APBB1: variants seen among roughly 807,000 people sequenced by gnomAD.
APBB1 encodes adaptor protein FE65a2.
Under a neutral mutation model 78.4 loss-of-function variants are expected in APBB1, and 22 were observed. That is an observed-to-expected ratio of 0.28 (90% CI 0.20 to 0.40). The LOEUF is 0.40. Among genes scored for constraint, APBB1 ranks in the 10% least tolerant of loss-of-function variants. The pLI, the probability that APBB1 is intolerant of heterozygous loss-of-function variation, is 1.00. For synonymous variants in APBB1, 369 were observed against 372.7 expected (o/e 0.99, Z 0.12); for missense variants, 749 against 932.4 (o/e 0.80, Z 2.56).
chr11:6,404,562 C>A, intron 2 of APBB1: 1 of 1,533,038 alleles, frequency 6.5e-7, no homozygotes, highest in Non-Finnish European at 8.7e-7. Flanking sequence ...CTGACCCTTG[C>A]TGCACACAGA....
At chr11:6,414,587 G>A (rs2134110355) in intron 1 of APBB1, among the ~76,000 whole-genome samples, 1 of 152,298 alleles carries the variant, frequency 6.6e-6, no homozygotes, top group South Asian at 2.1e-4. Context: ...GTGGCCCAAT[G>A]GGCTGGGGAG....
intron 12 of APBB1, among the ~76,000 whole-genome samples, chr11:6,397,422 C>T (rs1316318460): frequency 2.0e-5 from 3 of 152,236 alleles, no homozygotes; most frequent in African/African-American, 7.2e-5. Context: ...TTTACTGCTC[C>T]CTGAGCTTCA....
Position 6,402,625 on chromosome 11 carries a change from G to A in APBB1, c.1205C>T (p.Ser402Phe), listed in dbSNP as rs936167780. 6.2e-7 allele frequency: 1 copy of A among 1,614,008 alleles called. No homozygotes were observed. Among genetic ancestry groups the A allele is most frequent in the Non-Finnish European group, 8.5e-7 (1 of 1,180,028 alleles). ...GTCATGCAGGTTGTTTTTGTGGTAA[G>A]AGAGCTGACGGATGCAATTGTTGAC... is the stretch of plus-strand genomic sequence containing the variant. ...VAVNNCIRQLSYHKNNLHDPM... is the reference protein window; with the variant it reads ...VAVNNCIRQLFYHKNNLHDPM... Residue 402 changes from serine (S) to phenylalanine (F), a missense_variant, in exon 7 of 15, where the codon TCT becomes TTT. Transcript: ENST00000609360.
At chr11:6,410,515 C>T in intron 2 of APBB1, 112 bp downstream of exon 2, 2 of 931,794 alleles carry the variant, frequency 2.1e-6, no homozygotes, top group Non-Finnish European at 3.1e-6. Flanking sequence ...CCTGCTGTGG[C>T]CTCAGGGTAT....
Position 6,410,968 on chromosome 11 carries a change from G to A in APBB1, c.380C>T (p.Ala127Val), listed in dbSNP as rs1848948354. 1 of 1,614,058 alleles carries A rather than the reference G, an allele frequency of 6.2e-7. No homozygotes were observed. The highest frequency in any genetic ancestry group is 1.3e-5 in the African/African-American group (1 of 74,946). ...AGGTCCTCGTAGGCCTCGGTTGGCTGCGTTGTGAGCTGAGAGCTCCAGCTC... is the reference window on the plus strand; with the variant it reads ...AGGTCCTCGTAGGCCTCGGTTGGCTACGTTGTGAGCTGAGAGCTCCAGCTC... ...YSELELSAHN[A>V]ANRGLRGPGL... Residue 127 changes from alanine (A) to valine (V), a missense_variant, in exon 2 of 15, where the codon GCA (alanine) becomes GTA (valine). By Grantham distance (64) the Ala-to-Val change is moderately conservative. This residue lies in a region of APBB1 where 635 missense variants were observed against 765.0 expected (regional missense o/e 0.83). Coordinates refer to ENST00000609360, the MANE Select transcript of APBB1 (RefSeq NM_001164.5).
In APBB1 at chr11:6,401,888, C is replaced by A. The variant is rs766379687; in HGVS notation, c.1388+89G>T. On this transcript the variant is annotated intron_variant, in intron 9 of 14. Coordinates refer to ENST00000609360, the MANE Select transcript of APBB1 (RefSeq NM_001164.5). This position sits in a 1 kb window ranked among gnomAD's most constrained non-coding sequence, Gnocchi z 4.5. ...GGTGGAGGGTAATGGTGGAGCATAG[C>A]GGGTGGGAAGGGGCAGGGCAGAAGA... 1 of 1,521,624 alleles carries A rather than the reference C, an allele frequency of 6.6e-7. No individual in the cohort carries two copies. Among genetic ancestry groups the A allele is most frequent in the Non-Finnish European group, 8.9e-7 (1 of 1,125,130 alleles). The allele number at this position is 1,521,624 out of a possible 1,614,324, so 94.3% of individuals were successfully genotyped here.
intron 2 of APBB1, among the ~76,000 whole-genome samples, chr11:6,407,152 C>G (rs934947373): frequency 6.6e-6 from 1 of 152,200 alleles, no homozygotes; most frequent in Non-Finnish European, 1.5e-5. Context: ...ACCTTCTCTG[C>G]AGCCCTCATG....
rs1848937233 is a variant in APBB1, at chr11:6,410,747, C to T, written c.601G>A (p.Glu201Lys). The change falls in exon 2 of 15, where the codon GAA becomes AAA. Residue 201 changes from glutamate to lysine, a missense_variant. Coordinates refer to ENST00000609360, the MANE Select transcript of APBB1 (RefSeq NM_001164.5). Reference sequence around the variant, plus strand: ...AGGAGGCTGGCACTCTTGCTGTGTTCCCGGGGGCCATCTGTAAGGGCTTGG... The same window carrying T: ...AGGAGGCTGGCACTCTTGCTGTGTTTCCGGGGGCCATCTGTAAGGGCTTGG... ...RPQALTDGPR[E>K]HSKSASLLFG... 2 of 1,578,936 alleles carry T rather than the reference C, an allele frequency of 1.3e-6. No individual in the cohort carries two copies. Among genetic ancestry groups the T allele is most frequent in the African/African-American group, 1.4e-5 (1 of 73,918 alleles).
intron 2 of APBB1, among the ~76,000 whole-genome samples, chr11:6,408,514 T>A (rs1848878063): frequency 6.6e-6 from 1 of 151,786 alleles, no homozygotes; most frequent in South Asian, 2.1e-4. Context: ...CTTCTTTTTT[T>A]TTTTTTTGAG....
At position 6,403,058 on chromosome 11, in the gene APBB1, G is replaced by A. The variant is rs189400999; in HGVS notation, c.1104+87C>T. 14 of 1,283,586 alleles carry A rather than the reference G, an allele frequency of 1.1e-5. No homozygotes were observed. Among genetic ancestry groups the A allele is most frequent in the East Asian group, 9.3e-5 (4 of 42,954 alleles). 79.5% of individuals were successfully genotyped at this position (1,283,586 alleles called of 1,614,324 possible). A position where few individuals can be genotyped will look rare whatever the true frequency, so the allele number is the denominator to read the frequency against. On this transcript the variant is annotated intron_variant, in intron 6 of 14. Transcript: ENST00000609360. The surrounding 1 kb of genome is among the most constrained non-coding windows in gnomAD (Gnocchi z 5.3). ...CCTAACTCAGGACCTGGGGAACTGC[G>A]CTGAGACCCCTCAGAGCACAACATT... is the stretch of plus-strand genomic sequence containing the variant.
intron 2 of APBB1, among the ~76,000 whole-genome samples, chr11:6,409,691 T>C (rs1848910069): frequency 6.6e-6 from 1 of 151,724 alleles, no homozygotes; most frequent in Admixed American, 6.5e-5. Flanking sequence ...TAATCTTTCT[T>C]AGACCTCCAT....
intron 12 of APBB1, among the ~76,000 whole-genome samples, chr11:6,399,918 C>A (rs886284623): frequency 4.7e-5 from 7 of 150,172 alleles, no homozygotes; most frequent in African/African-American, 1.7e-4. Context: ...TTCCACTTGA[C>A]CGCATTCACT....
At position 6,410,924 on chromosome 11, in the gene APBB1, G is replaced by C; in HGVS notation, c.424C>G (p.Gln142Glu). Residue 142 changes from glutamine (Q) to glutamate (E), a missense_variant, in exon 2 of 15, where the codon CAA (glutamine) becomes GAA (glutamate). Physicochemically the swap from Gln to Glu is conservative, Grantham distance 29. Transcript: ENST00000609360. ...TCTCCCTCATCTGGCCCCTGCTCTT[G>C]AGTGCTGATGATCAGGCCAGGTCCT... Reference protein sequence around the residue: ...LRGPGLIISTQEQGPDEGEEK... With the variant: ...LRGPGLIISTEEQGPDEGEEK... 1 of 1,614,176 alleles carries C rather than the reference G, an allele frequency of 6.2e-7. No individual in the cohort carries two copies.
At chr11:6,400,573 A>G (rs971761825) in intron 12 of APBB1, among the ~76,000 whole-genome samples, 6 of 151,984 alleles carry the variant, frequency 3.9e-5, no homozygotes, top group Non-Finnish European at 7.4e-5. Flanking sequence ...CTTTGCAACA[A>G]TGAAGTATGT....
intron 2 of APBB1, chr11:6,405,086 C>A: frequency 7.3e-7 from 1 of 1,371,506 alleles, no homozygotes; most frequent in Non-Finnish European, 9.4e-7. Context: ...CTCGCCCTGG[C>A]TCCCCTCCCC....
rs201889999 is a variant in APBB1 at position 6,402,596 on chromosome 11, T to C, written c.1234A>G (p.Met412Val). The C allele has an allele frequency of 1.1e-4, 183 of 1,613,508 alleles. 1 individual carries two copies. In the East Asian group the frequency reaches 3.1e-3, roughly 28 times the overall value. ...CTTACTTCCCCCCAGCCCCCAGACA[T>C]GGGGTCATGCAGGTTGTTTTTGTGG... Reference protein sequence around the residue: ...SYHKNNLHDPMSGGWGEGKDL... With the variant: ...SYHKNNLHDPVSGGWGEGKDL... The change falls in exon 7 of 15, where the codon ATG (methionine) becomes GTG (valine). Residue 412 changes from methionine to valine, a missense_variant. By Grantham distance (21) the Met-to-Val change is conservative (BLOSUM62 1). Coordinates refer to ENST00000609360, the MANE Select transcript of APBB1 (RefSeq NM_001164.5).
rs966809265 is a variant in APBB1 at position 6,419,042 on chromosome 11, G to C, written c.-72C>G. 1.4e-4 allele frequency: 54 copies of C among 392,620 alleles called. No individual in the cohort carries two copies. Among genetic ancestry groups the C allele is most frequent in the Non-Finnish European group, 2.3e-4 (52 of 222,198 alleles). 24.3% of individuals were successfully genotyped at this position (392,620 alleles called of 1,614,324 possible). ...AGGTGGCTCAGGCTGCGGGGTTCGG[G>C]CTCCGCCGCGGCTTCTCCATCACAA... On this transcript the variant is annotated 5_prime_UTR_variant, in exon 1 of 15. Coordinates refer to ENST00000609360, the MANE Select transcript of APBB1 (RefSeq NM_001164.5).
intron 2 of APBB1, chr11:6,405,011 G>C: frequency 1.4e-6 from 2 of 1,422,840 alleles, no homozygotes; most frequent in South Asian, 1.5e-5. Flanking sequence ...TCCTTGGGGG[G>C]TGGGGAAGGG....
intron 2 of APBB1, chr11:6,405,317 T>C (rs1200310275): frequency 2.0e-6 from 2 of 987,960 alleles, no homozygotes; most frequent in Non-Finnish European, 2.4e-6. Flanking sequence ...AGGGTGGGCT[T>C]TGAGGTCCTG....
Sources: gnomAD v4.1 joint callset for allele counts (sites outside exome capture counted in the v4.1 genomes callset) on GRCh38, gnomAD v4.1.1 for gene constraint, gnomAD v4.1.1 regional missense constraint, Gnocchi (gnomAD v3.1) non-coding constraint, MANE v1.5 for transcripts, NCBI Gene and HGNC (gene_info 2026-07-23, HGNC 2026-07-21) for gene names.